Variants in POM121C observed in about 807,000 individuals in gnomAD.
The protein encoded by POM121C is POM121 transmembrane nucleoporin C.
Under a neutral mutation model 66.4 loss-of-function variants are expected in POM121C, and 20 were observed. The ratio of observed to expected loss-of-function variants is 0.30; its 90% CI spans 0.21 to 0.44. POM121C has a LOEUF of 0.44. Ranked by LOEUF, POM121C falls within the 20% of genes least tolerant of loss-of-function variation. The pLI, the probability that POM121C is intolerant of heterozygous loss-of-function variation, is 1.00. For missense variants in POM121C, 580 were observed against 1,225.7 expected (o/e 0.47, Z 7.87); for synonymous variants, 286 against 528.0 (o/e 0.54, Z 6.28).
Position 75,475,186 on chromosome 7 carries a change from C to G in POM121C, c.-455G>C. On this transcript the variant is annotated splice_region_variant and 5_prime_UTR_variant, in exon 2 of 15. Coordinates refer to ENST00000615331, the MANE Select transcript of POM121C (RefSeq NM_001099415.3). Reference sequence around the variant, plus strand: ...CAGCCACATCTTTGAATGACACTGGCCCCTGTAATGGCAACATGATCAGAA... The same window carrying G: ...CAGCCACATCTTTGAATGACACTGGGCCCTGTAATGGCAACATGATCAGAA... 2 of 1,469,094 alleles carry G rather than the reference C, an allele frequency of 1.4e-6. No individual in the cohort carries two copies. The highest frequency in any genetic ancestry group is 1.9e-6 in the Non-Finnish European group (2 of 1,064,374). The allele number at this position is 1,469,094 out of a possible 1,614,324, so 91.0% of individuals were successfully genotyped here. A position where few individuals can be genotyped will look rare whatever the true frequency, so the allele number is the denominator to read the frequency against.
chr7:75,440,156 T>C (rs1196318638), intron 5 of POM121C, among the ~76,000 whole-genome samples: 5 of 152,026 alleles, frequency 3.3e-5, no homozygotes, highest in Non-Finnish European at 5.9e-5. Context: ...GCTGGGATTA[T>C]AGGCGTGAGC....
Position 75,418,329 on chromosome 7 carries a change from G to A in POM121C, c.*467C>T. On this transcript the variant is annotated 3_prime_UTR_variant, in exon 15 of 15. Transcript: ENST00000615331. Reference sequence around the variant, plus strand: ...GTCCCCAGAAGGGACCAGAGGAAGAGAACCACTTCTCACAGCTAAGCCAAG... The same window carrying A: ...GTCCCCAGAAGGGACCAGAGGAAGAAAACCACTTCTCACAGCTAAGCCAAG... The A allele has an allele frequency of 1.0e-6, 1 of 977,868 alleles. No individual in the cohort carries two copies. Among genetic ancestry groups the A allele is most frequent in the Non-Finnish European group, 1.2e-6 (1 of 822,448 alleles). 60.6% of individuals were successfully genotyped at this position (977,868 alleles called of 1,614,324 possible). A position where few individuals can be genotyped will look rare whatever the true frequency, so the allele number is the denominator to read the frequency against.
chr7:75,423,174 G>A lies in POM121C; in HGVS notation c.1078C>T (p.Leu360Phe). 2.7e-6 allele frequency: 4 copies of A among 1,494,542 alleles called. No individual in the cohort carries two copies. Among genetic ancestry groups the A allele is most frequent in the Non-Finnish European group, 3.6e-6 (4 of 1,112,420 alleles). The allele number at this position is 1,494,542 out of a possible 1,614,324, so 92.6% of individuals were successfully genotyped here. A position where few individuals can be genotyped will look rare whatever the true frequency, so the allele number is the denominator to read the frequency against. ...ESAGAATTEA[L>F]SPPKTPSLLP... ...AGGCTGGGTGTCTTTGGAGGTGAGA[G>A]GGCCTCAGTGGTTGCTGCTCCAGCA... Residue 360 changes from leucine (L) to phenylalanine (F), a missense_variant, in exon 13 of 15, where the codon CTC becomes TTC. Coordinates refer to ENST00000615331, the MANE Select transcript of POM121C (RefSeq NM_001099415.3).
In POM121C at chr7:75,441,635, A is replaced by C. The variant is rs1421406915; in HGVS notation, c.-139T>G. On this transcript the variant is annotated 5_prime_UTR_variant, in exon 4 of 15. Coordinates refer to ENST00000615331, the MANE Select transcript of POM121C (RefSeq NM_001099415.3). The stretch of plus-strand genomic sequence containing the variant: ...GTGTTATTACAAACCGATCTGGTAA[A>C]GTCCCACGATCCCTGCAGAGAATGC... 1.3e-6 allele frequency: 2 copies of C among 1,556,612 alleles called. No individual in the cohort carries two copies. Among genetic ancestry groups the C allele is most frequent in the African/African-American group, 1.4e-5 (1 of 73,174 alleles).
rs782569638 is a variant in POM121C, at chr7:75,421,573, G to A, written c.2679C>T (p.Thr893=). 43 of 1,612,514 alleles carry A rather than the reference G, an allele frequency of 2.7e-5. No homozygotes were observed. The highest frequency in any genetic ancestry group is 9.4e-5 in the African/African-American group (7 of 74,520). The change falls in exon 13 of 15, where the codon ACC becomes ACT. Residue 893 remains threonine (T), a synonymous_variant. Transcript: ENST00000615331. ...TGAAGGCAAACGGTGTGCTCTGGCC[G>A]GTGGTGCCCAGGGCGTTCTGACCTA... The part of the protein sequence containing the change: ...GGLGQNALGT[T]GQSTPFAFNV...
chr7:75,439,177 A>C lies in POM121C; in HGVS notation c.275T>G (p.Val92Gly), dbSNP rs1584670698. The C allele has an allele frequency of 5.0e-6, 8 of 1,614,264 alleles. No individual in the cohort carries two copies. The East Asian group carries it at 1.6e-4, about 31-fold the overall frequency. The change falls in exon 6 of 15, where the codon GTG (valine) becomes GGG (glycine). Residue 92 changes from valine (V) to glycine (G), a missense_variant. Transcript: ENST00000615331. ...AAAAGAAGCGGGGACTCCACTGGCC[A>C]CCAGGGGCTCAAATGCTGAATGTCC... ...GSGHSAFEPL[V>G]ASGVPASFVP...
intron 3 of POM121C, among the ~76,000 whole-genome samples, chr7:75,449,852 T>C (rs1554475363): frequency 6.6e-6 from 1 of 151,882 alleles, no homozygotes; most frequent in East Asian, 2.0e-4. Flanking sequence ...CCGTCTCTAC[T>C]AAAAATACAA....
intron 3 of POM121C, among the ~76,000 whole-genome samples, chr7:75,452,530 T>G (rs879971111): frequency 1.4e-4 from 22 of 152,290 alleles, no homozygotes; most frequent in East Asian, 1.4e-3. Context: ...TAGATGTCAG[T>G]TAATATGGTA....
At chr7:75,483,220 T>C (rs1337779934) in intron 1 of POM121C, among the ~76,000 whole-genome samples, 1 of 152,218 alleles carries the variant, frequency 6.6e-6, no homozygotes, top group Non-Finnish European at 1.5e-5. Context: ...AGCCATAAGT[T>C]ACAGTAATTT....
In POM121C at chr7:75,475,237, G is replaced by A; in HGVS notation, c.-457-49C>T. 6.4e-6 allele frequency: 7 copies of A among 1,101,564 alleles called. No homozygotes were observed. The South Asian group carries it at 7.0e-5, about 11-fold the overall frequency. 68.2% of individuals were successfully genotyped at this position (1,101,564 alleles called of 1,614,324 possible). A position where few individuals can be genotyped will look rare whatever the true frequency, so the allele number is the denominator to read the frequency against. On this transcript the variant is annotated intron_variant, in intron 1 of 14. Transcript: ENST00000615331. ...TTGGGAGATATGGAAAAGGGATAGGGGGATAACATTTTACAAAGCTCACTG... is the reference window on the plus strand; with the variant it reads ...TTGGGAGATATGGAAAAGGGATAGGAGGATAACATTTTACAAAGCTCACTG...
At chr7:75,476,393 T>C (rs1383179288) in intron 1 of POM121C, among the ~76,000 whole-genome samples, 1 of 152,044 alleles carries the variant, frequency 6.6e-6, no homozygotes, top group Non-Finnish European at 1.5e-5. Context: ...CAGCATGCCC[T>C]GCCCAAACTT....
intron 1 of POM121C, among the ~76,000 whole-genome samples, chr7:75,477,671 G>A (rs1483936200): frequency 3.3e-5 from 5 of 152,016 alleles, no homozygotes; most frequent in African/African-American, 7.2e-5. Flanking sequence ...GCTCATGCCT[G>A]TAATCCCAGC....
intron 3 of POM121C, among the ~76,000 whole-genome samples, chr7:75,469,800 C>A (rs1554478385): frequency 6.6e-6 from 1 of 152,110 alleles, no homozygotes; most frequent in Non-Finnish European, 1.5e-5. Flanking sequence ...GAATGCTGTT[C>A]CTTTGGAGGT....
chr7:75,447,170 C>T (rs1460553316), intron 3 of POM121C, among the ~76,000 whole-genome samples: 28 of 148,530 alleles, frequency 1.9e-4, no homozygotes, highest in Non-Finnish European at 3.3e-4. Flanking sequence ...CAAACCAACC[C>T]CAAACTGACA....
At chr7:75,478,515 C>T (rs587625810) in intron 1 of POM121C, among the ~76,000 whole-genome samples, 96 of 149,942 alleles carry the variant, frequency 6.4e-4, no homozygotes, top group South Asian at 1.9e-3. Context: ...GAGTTCACAA[C>T]CGGCACAGAG....
At chr7:75,459,667 A>G (rs1791383362) in intron 3 of POM121C, among the ~76,000 whole-genome samples, 1 of 147,316 alleles carries the variant, frequency 6.8e-6, no homozygotes, top group Admixed American at 7.1e-5. Flanking sequence ...CAGAAGAAAA[A>G]GTATAAAAAT....
intron 3 of POM121C, among the ~76,000 whole-genome samples, chr7:75,443,199 T>G (rs587695760): frequency 5.3e-5 from 8 of 152,244 alleles, no homozygotes; most frequent in African/African-American, 1.9e-4. Context: ...GGCCCAGATA[T>G]CGGGTGGATT....
chr7:75,439,091 A>G, intron 6 of POM121C, 53 bp downstream of exon 6: 1 of 1,593,322 alleles, frequency 6.3e-7, no homozygotes, highest in East Asian at 2.2e-5. Context: ...AACAGCTCTG[A>G]TCAGGCCTTT....
intron 3 of POM121C, among the ~76,000 whole-genome samples, chr7:75,443,531 AC>A (rs1790738707): frequency 6.7e-6 from 1 of 149,318 alleles, no homozygotes; most frequent in South Asian, 2.1e-4. Context: ...TTGTTTATAT[AC>A]ATTAAAGAGA....
Sources: allele counts gnomAD v4.1 joint callset (sites outside exome capture counted in the v4.1 genomes callset), GRCh38; gene constraint gnomAD v4.1.1; transcripts MANE v1.5; gene names NCBI Gene and HGNC (gene_info 2026-07-23, HGNC 2026-07-21).